The following TPTE variants were observed in gnomAD, a reference collection of about 807,000 sequenced individuals.
TPTE encodes putative tyrosine-protein phosphatase TPTE.
A neutral mutation model predicts 84.1 loss-of-function variants in TPTE; 59 were observed. The ratio of observed to expected loss-of-function variants is 0.70; its 90% CI spans 0.57 to 0.87. The LOEUF (loss-of-function observed/expected upper bound fraction) is 0.87. Among genes scored for constraint, TPTE ranks in the 40% least tolerant of loss-of-function variants. TPTE has a pLI of 0.00. For synonymous variants in TPTE, 130 were observed against 223.5 expected (o/e 0.58, Z 3.73); for missense variants, 382 against 659.6 (o/e 0.58, Z 4.61).
chr21:10,557,054 C>G (rs1329401115), intron 8 of TPTE, among the ~76,000 whole-genome samples: 1 of 152,308 alleles, frequency 6.6e-6, no homozygotes, highest in Non-Finnish European at 1.5e-5. Flanking sequence ...TTAATTAGAT[C>G]CTGTTTGTCA....
intron 17 of TPTE, among the ~76,000 whole-genome samples, chr21:10,588,098 C>T (rs1364596317): frequency 6.6e-6 from 1 of 152,312 alleles, no homozygotes; most frequent in Non-Finnish European, 1.5e-5. Flanking sequence ...ATCTGCCTGC[C>T]TTGGCCTCCC....
intron 1 of TPTE, among the ~76,000 whole-genome samples, chr21:10,522,462 G>C (rs1187767325): frequency 7.2e-5 from 11 of 152,302 alleles, no homozygotes; most frequent in South Asian, 4.1e-4. Context: ...GGGCGGAGGG[G>C]GGACGTCGGC....
At position 10,543,321 on chromosome 21, in the gene TPTE, T is replaced by C. The variant is rs759753591; in HGVS notation, c.120-8T>C. The C allele has an allele frequency of 6.1e-5, 98 of 1,613,614 alleles. No homozygotes were observed. The highest frequency in any genetic ancestry group is 8.1e-5 in the Non-Finnish European group (95 of 1,179,842). On this transcript the variant is annotated splice_polypyrimidine_tract_variant and splice_region_variant and intron_variant, in intron 6 of 23. Transcript: ENST00000618007. ...TGCTGCTGACTGTATTCTTTTATCA[T>C]CCTCTAGCCCACACACAAGTGAATT...
chr21:10,551,900 G>A (rs1364276017), intron 7 of TPTE, among the ~76,000 whole-genome samples: 2 of 152,306 alleles, frequency 1.3e-5, no homozygotes, highest in Non-Finnish European at 2.9e-5. Context: ...CAAGTAATGA[G>A]ATTGAATCAG....
intron 17 of TPTE, among the ~76,000 whole-genome samples, chr21:10,589,348 G>A (rs1208641001): frequency 6.6e-5 from 10 of 152,378 alleles, no homozygotes; most frequent in African/African-American, 2.2e-4. Flanking sequence ...GGCGCCATGG[G>A]TAAGAGCTGG....
intron 3 of TPTE, among the ~76,000 whole-genome samples, chr21:10,529,039 CT>C (rs1383765199): frequency 6.6e-6 from 1 of 152,184 alleles, no homozygotes; most frequent in Non-Finnish European, 1.5e-5. Flanking sequence ...CAAAAATTAG[CT>C]GGGCATGGTG....
intron 4 of TPTE, among the ~76,000 whole-genome samples, chr21:10,539,335 C>G (rs1278947122): frequency 2.0e-5 from 3 of 152,308 alleles, no homozygotes; most frequent in Non-Finnish European, 4.4e-5. Context: ...AACATAAACA[C>G]AAGCACACCA....
intron 17 of TPTE, among the ~76,000 whole-genome samples, chr21:10,583,445 G>A (rs1259880933): frequency 6.6e-6 from 1 of 152,282 alleles, no homozygotes; most frequent in African/African-American, 2.4e-5. Flanking sequence ...TTTTTCTCCC[G>A]ATTGTAGTTC....
chr21:10,578,137 G>C (rs1392351987), intron 15 of TPTE, among the ~76,000 whole-genome samples, 200 bp from the exon 16 acceptor site: 40 of 152,358 alleles, frequency 2.6e-4, no homozygotes, highest in African/African-American at 8.9e-4. Context: ...GTTGAGTTTA[G>C]GTTATATGAG....
chr21:10,590,005 G>T (rs3900462), intron 17 of TPTE, among the ~76,000 whole-genome samples: 1 of 151,306 alleles, frequency 6.6e-6, no homozygotes, highest in Admixed American at 6.6e-5. Context: ...TTTCTACATT[G>T]CTGAATTCAC....
intron 3 of TPTE, among the ~76,000 whole-genome samples, chr21:10,538,177 G>A (rs1374473350): frequency 2.0e-5 from 3 of 152,310 alleles, no homozygotes; most frequent in Non-Finnish European, 4.4e-5. Flanking sequence ...CCCTAGAAAT[G>A]TTTTTGACCC....
chr21:10,598,135 T>G lies in TPTE; in HGVS notation c.1356+41T>G, dbSNP rs372229244. 1.5e-4 allele frequency: 234 copies of G among 1,610,088 alleles called. No individual in the cohort carries two copies. The African/African-American group carries it at 2.8e-3, about 19-fold the overall frequency. On this transcript the variant is annotated intron_variant, in intron 21 of 23. Coordinates refer to ENST00000618007, the MANE Select transcript of TPTE (RefSeq NM_199261.4). Reference sequence around the variant, plus strand: ...TGAATTGAAAAAATCTGATGTTTGTTTTAAGGCTGAATGTCAAACCAGCAA... The same window carrying G: ...TGAATTGAAAAAATCTGATGTTTGTGTTAAGGCTGAATGTCAAACCAGCAA...
chr21:10,558,569 T>G (rs2074729810), intron 8 of TPTE, among the ~76,000 whole-genome samples: 1 of 152,312 alleles, frequency 6.6e-6, no homozygotes, highest in African/African-American at 2.4e-5. Flanking sequence ...TGTCTGTTCA[T>G]GTCAAAGGCC....
At chr21:10,529,892 CTG>C (rs1240194008) in intron 3 of TPTE, among the ~76,000 whole-genome samples, 2 of 152,278 alleles carry the variant, frequency 1.3e-5, no homozygotes, top group Non-Finnish European at 2.9e-5. Flanking sequence ...TCAGTTGTAA[CTG>C]TGATCATTAC....
chr21:10,539,982 T>C (rs1301401442), intron 4 of TPTE, among the ~76,000 whole-genome samples: 2 of 152,298 alleles, frequency 1.3e-5, no homozygotes, highest in Admixed American at 1.3e-4. Flanking sequence ...GCACTCCAGC[T>C]TGGGTGACTG....
intron 17 of TPTE, among the ~76,000 whole-genome samples, chr21:10,583,746 G>C (rs1344185004): frequency 6.6e-6 from 1 of 152,308 alleles, no homozygotes; most frequent in Non-Finnish European, 1.5e-5. Flanking sequence ...GAAGGCGTCA[G>C]GTTTCATCTT....
intron 4 of TPTE, among the ~76,000 whole-genome samples, chr21:10,539,593 G>C (rs547812635): frequency 3.1e-3 from 473 of 152,188 alleles, no homozygotes; most frequent in African/African-American, 0.01. Flanking sequence ...TCTTGAGTCA[G>C]TGAGTCTTAG....
At chr21:10,561,491 C>CAAA (rs201158290) in intron 10 of TPTE, among the ~76,000 whole-genome samples, 6 of 101,082 alleles carry the variant, frequency 5.9e-5, no homozygotes, top group Non-Finnish European at 1.2e-4. Flanking sequence ...GACTCCATCT[C>CAAA]AAAAAAAAAA....
intron 8 of TPTE, among the ~76,000 whole-genome samples, chr21:10,556,563 T>A (rs536835154): frequency 2.9e-4 from 44 of 152,414 alleles, no homozygotes; most frequent in African/African-American, 1.1e-3. Flanking sequence ...TACCCAGTAA[T>A]AGGATGGCTG....
Sources: gnomAD v4.1 joint callset for allele counts (sites outside exome capture counted in the v4.1 genomes callset) on GRCh38, gnomAD v4.1.1 for gene constraint, MANE v1.5 for transcripts, NCBI Gene and HGNC (gene_info 2026-07-23, HGNC 2026-07-21) for gene names.